Variants in CHL1 observed in about 807,000 individuals in gnomAD.
CHL1 encodes cell adhesion molecule L1 like.
In CHL1, 96 loss-of-function variants were observed where a neutral mutation model predicts 141.9. The observed-to-expected ratio is 0.68, with a 90% CI of 0.57 to 0.80. The LOEUF is 0.80. CHL1 is among the 30% of genes least tolerant of loss of function. The pLI, the probability that CHL1 is intolerant of heterozygous loss-of-function variation, is 0.00. For missense variants in CHL1, 1,820 were observed against 1,457.2 expected, an observed-to-expected ratio of 1.25 and a Z score of -4.05; for synonymous variants, 613 against 502.2, an observed-to-expected ratio of 1.22 and a Z score of -2.95.
chr3:381,317 G>T (rs1007762491), intron 16 of CHL1, among the ~76,000 whole-genome samples: 26 of 152,070 alleles, frequency 1.7e-4, no homozygotes, highest in Admixed American at 6.6e-4. Context: ...GGTTTTTATG[G>T]AACCAAACTG....
In CHL1 at chr3:318,804, C is replaced by T. The variant is rs183821360; in HGVS notation, c.-94-879C>T. ...CTTTGAAGATGAAAAGCTATTTCACCGGAAAAATCATTGATGTATTTGTGA... is the reference window on the plus strand; with the variant it reads ...CTTTGAAGATGAAAAGCTATTTCACTGGAAAAATCATTGATGTATTTGTGA... On this transcript the variant is annotated intron_variant, in intron 2 of 27. Coordinates refer to ENST00000256509, the MANE Select transcript of CHL1 (RefSeq NM_006614.4). Among the ~76,000 whole-genome samples, 11 of 151,208 alleles carry T rather than the reference C, an allele frequency of 7.3e-5. No individual in the cohort carries two copies. In the South Asian group the frequency reaches 2.1e-3, roughly 29 times the overall value.
chr3:284,280 G>A (rs975917960), intron 2 of CHL1, among the ~76,000 whole-genome samples: 2 of 152,132 alleles, frequency 1.3e-5, no homozygotes, highest in African/African-American at 4.8e-5. Context: ...GGTGAGAAAT[G>A]AATAATAAGA....
chr3:355,870 A>G (rs892295), intron 11 of CHL1, among the ~76,000 whole-genome samples: 133,867 of 152,142 alleles, frequency 0.88, 61,264 homozygotes, highest in Non-Finnish European at 0.99. Flanking sequence ...TTGCATACTG[A>G]CTCTACCACT....
chr3:324,596 C>A (rs1314753239), intron 3 of CHL1, among the ~76,000 whole-genome samples: 1 of 148,430 alleles, frequency 6.7e-6, no homozygotes, highest in Admixed American at 6.9e-5. Flanking sequence ...GAGGCAAAAT[C>A]ACTTCCTACT....
chr3:238,868 G>T (rs149620849), intron 1 of CHL1, among the ~76,000 whole-genome samples: 6 of 152,200 alleles, frequency 3.9e-5, no homozygotes, highest in African/African-American at 1.4e-4. Flanking sequence ...AGGAAGCAGA[G>T]GTTGCAGTGA....
intron 24 of CHL1, 97 bp downstream of exon 24, chr3:394,969 T>G: frequency 9.8e-7 from 1 of 1,018,190 alleles, no homozygotes; most frequent in Non-Finnish European, 1.4e-6. Context: ...TGCCAGTCAT[T>G]GTAAATTAGA....
chr3:315,520 TA>T (rs1417332521), intron 2 of CHL1, among the ~76,000 whole-genome samples: 1 of 152,180 alleles, frequency 6.6e-6, no homozygotes, highest in Non-Finnish European at 1.5e-5. Context: ...GGAGCACTTT[TA>T]AAAACATCAA....
intron 8 of CHL1, among the ~76,000 whole-genome samples, chr3:343,451 G>A (rs1287645088): frequency 6.6e-6 from 1 of 152,078 alleles, no homozygotes; most frequent in Non-Finnish European, 1.5e-5. Flanking sequence ...TGAAATATTT[G>A]ACATGCAACT....
At chr3:316,366 G>C (rs1238670089) in intron 2 of CHL1, among the ~76,000 whole-genome samples, 3 of 151,238 alleles carry the variant, frequency 2.0e-5, no homozygotes, top group African/African-American at 4.9e-5. Flanking sequence ...GTGACAGTAA[G>C]ATATGTATTA....
intron 2 of CHL1, among the ~76,000 whole-genome samples, chr3:292,002 G>GCACTAACC (rs1169615121): frequency 6.6e-6 from 1 of 152,182 alleles, no homozygotes; most frequent in African/African-American, 2.4e-5. Context: ...TTTGATGTCA[G>GCACTAACC]CACTAACCAG....
Position 319,882 on chromosome 3 carries a change from T to C in CHL1, c.91+15T>C. On this transcript the variant is annotated intron_variant, in intron 3 of 27. Coordinates refer to ENST00000256509, the MANE Select transcript of CHL1 (RefSeq NM_006614.4). ...ACCATCTTCAGGTAAAGTTAAAACA[T>C]TCAGTGCCTATTAATGGAATTTCAT... 1.4e-6 allele frequency: 2 copies of C among 1,398,150 alleles called. No homozygotes were observed. Among genetic ancestry groups the C allele is most frequent in the Non-Finnish European group, 2.0e-6 (2 of 991,328 alleles). 86.6% of individuals were successfully genotyped at this position (1,398,150 alleles called of 1,614,324 possible). A position where few individuals can be genotyped will look rare whatever the true frequency, so the allele number is the denominator to read the frequency against.
At chr3:304,066 G>A (rs1339363273) in intron 2 of CHL1, among the ~76,000 whole-genome samples, 2 of 152,130 alleles carry the variant, frequency 1.3e-5, no homozygotes, top group Admixed American at 6.5e-5. Context: ...TGCATCCCAG[G>A]TACGAAGCCA....
At chr3:327,265 A>C (rs1052558232) in intron 4 of CHL1, among the ~76,000 whole-genome samples, 1 of 151,910 alleles carries the variant, frequency 6.6e-6, no homozygotes, top group Non-Finnish European at 1.5e-5. Context: ...AATATACCCA[A>C]ATTTGCATGG....
intron 2 of CHL1, among the ~76,000 whole-genome samples, chr3:261,555 A>C (rs1047700646): frequency 1.3e-5 from 2 of 152,206 alleles, no homozygotes; most frequent in African/African-American, 4.8e-5. Flanking sequence ...TCACAAACTC[A>C]TTGAGCTAAG....
At chr3:376,201 T>C (rs1706293154) in intron 15 of CHL1, among the ~76,000 whole-genome samples, 1 of 152,190 alleles carries the variant, frequency 6.6e-6, no homozygotes, top group Non-Finnish European at 1.5e-5. Flanking sequence ...GTGACTGTTT[T>C]CTTGGGCATG....
chr3:340,936 A>C lies in CHL1; in HGVS notation c.508+20A>C, dbSNP rs747605107. 6.2e-7 allele frequency: 1 copy of C among 1,601,640 alleles called. No individual in the cohort carries two copies. Among genetic ancestry groups the C allele is most frequent in the Non-Finnish European group, 8.5e-7 (1 of 1,174,868 alleles). ...ATATTGGTAAGTAATGCTCCGTTCC[A>C]TCAAAAAAGGGGGACATTTTAATTC... On this transcript the variant is annotated intron_variant, in intron 6 of 27. Transcript: ENST00000256509.
At chr3:381,473 G>A (rs2125390282) in intron 16 of CHL1, among the ~76,000 whole-genome samples, 1 of 152,234 alleles carries the variant, frequency 6.6e-6, no homozygotes, top group Middle Eastern at 3.4e-3. Flanking sequence ...TGCAGGTGAA[G>A]GTATTTAAAA....
chr3:299,746 C>T (rs1318976510), intron 2 of CHL1, among the ~76,000 whole-genome samples: 2 of 152,140 alleles, frequency 1.3e-5, no homozygotes, highest in Non-Finnish European at 2.9e-5. Flanking sequence ...ATTGTTCTCA[C>T]CTGACAGGGG....
chr3:306,830 T>A (rs1044185342), intron 2 of CHL1, among the ~76,000 whole-genome samples: 2 of 152,212 alleles, frequency 1.3e-5, no homozygotes, highest in Admixed American at 1.3e-4. Context: ...TAATGTCATA[T>A]TCAAATGCTT....
Sources: gnomAD v4.1 joint callset for allele counts (sites outside exome capture counted in the v4.1 genomes callset) on GRCh38, gnomAD v4.1.1 for gene constraint, MANE v1.5 for transcripts, NCBI Gene and HGNC (gene_info 2026-07-23, HGNC 2026-07-21) for gene names.